The following NPSR1 variants were observed in gnomAD, a reference collection of about 807,000 sequenced individuals.
NPSR1 encodes the protein neuropeptide S receptor.
A neutral mutation model predicts 46.9 loss-of-function variants in NPSR1; 48 were observed. That is an observed-to-expected ratio of 1.02 (90% CI 0.81 to 1.30). The LOEUF is 1.30. NPSR1 is among the 50% of genes most tolerant of loss of function. The pLI is 0.00. For synonymous variants in NPSR1, 176 were observed against 168.1 expected, an observed-to-expected ratio of 1.05 and a Z score of -0.36; for missense variants, 450 against 449.5, an observed-to-expected ratio of 1.00 and a Z score of -0.01.
intron 2 of NPSR1, among the ~76,000 whole-genome samples, chr7:34,757,087 A>G (rs1785903401): frequency 6.6e-6 from 1 of 152,158 alleles, no homozygotes; most frequent in Admixed American, 6.6e-5. Context: ...GTTCGATGAG[A>G]GCATGCCTGC....
intron 3 of NPSR1, among the ~76,000 whole-genome samples, chr7:34,782,425 A>C (rs1015906374): frequency 6.6e-6 from 1 of 152,114 alleles, no homozygotes; most frequent in African/African-American, 2.4e-5. Flanking sequence ...TGAAGACCCT[A>C]TCAATTCTTG....
At chr7:34,769,872 G>A (rs551666162) in intron 2 of NPSR1, among the ~76,000 whole-genome samples, 3 of 152,182 alleles carry the variant, frequency 2.0e-5, no homozygotes, top group Admixed American at 1.3e-4. Context: ...GTAATACATG[G>A]AGGTGATTAA....
downstream of NPSR1, among the ~76,000 whole-genome samples, chr7:34,851,269 G>A (rs12672298): frequency 6.1e-4 from 88 of 143,230 alleles, no homozygotes; most frequent in East Asian, 0.016. Flanking sequence ...TCATTATGGT[G>A]TCAACTCAAA....
At chr7:34,776,532 T>G (rs143600344) in intron 2 of NPSR1, among the ~76,000 whole-genome samples, 289 of 152,332 alleles carry the variant, frequency 1.9e-3, no homozygotes, top group African/African-American at 6.9e-3. Flanking sequence ...TGCTCTTTTG[T>G]GGTTTCCATT....
chr7:34,856,637 T>A (rs1243200220), intron 8 of NPSR1, among the ~76,000 whole-genome samples: 1 of 151,574 alleles, frequency 6.6e-6, no homozygotes, highest in East Asian at 1.9e-4. Context: ...AAAACAATGG[T>A]CCAGGACAGA....
At chr7:34,788,954 T>G (rs1157306811) in intron 3 of NPSR1, among the ~76,000 whole-genome samples, 1 of 151,992 alleles carries the variant, frequency 6.6e-6, no homozygotes, top group Non-Finnish European at 1.5e-5. Context: ...TAAATTATTT[T>G]TTCAAAAACA....
chr7:34,739,979 G>A (rs977251286), intron 2 of NPSR1, among the ~76,000 whole-genome samples: 8 of 152,126 alleles, frequency 5.3e-5, no homozygotes, highest in Admixed American at 5.2e-4. Context: ...ATAAGTATAC[G>A]CCGTTTGTCT....
intron 4 of NPSR1, among the ~76,000 whole-genome samples, chr7:34,814,229 G>C (rs961680220): frequency 1.3e-5 from 2 of 152,226 alleles, no homozygotes; most frequent in African/African-American, 4.8e-5. Context: ...ATTTAGAAAC[G>C]AGCAGACAAG....
At chr7:34,815,118 T>C (rs1378920567) in intron 4 of NPSR1, among the ~76,000 whole-genome samples, 1 of 152,004 alleles carries the variant, frequency 6.6e-6, no homozygotes, top group African/African-American at 2.4e-5. Flanking sequence ...AACAAACTAC[T>C]CCTCCGAGCT....
intron 2 of NPSR1, among the ~76,000 whole-genome samples, chr7:34,772,244 C>T (rs867727331): frequency 6.6e-6 from 1 of 152,254 alleles, no homozygotes; most frequent in African/African-American, 2.4e-5. Flanking sequence ...AACCAAATGA[C>T]AGTGTGACTT....
intron 2 of NPSR1, among the ~76,000 whole-genome samples, chr7:34,738,564 C>T (rs1027177544): frequency 6.6e-6 from 1 of 151,762 alleles, no homozygotes; most frequent in Non-Finnish European, 1.5e-5. Context: ...TTGTTTTTGG[C>T]TTCTTTTTTT....
chr7:34,658,346 G>T lies in NPSR1; in HGVS notation c.-67G>T. On this transcript the variant is annotated 5_prime_UTR_variant, in exon 1 of 9. Transcript: ENST00000360581. ...GCTGCAGCTGCTGCCCAGCTCTCAGGAGGCAAGCTGGACTCCCTCACTCAG... is the reference window on the plus strand; with the variant it reads ...GCTGCAGCTGCTGCCCAGCTCTCAGTAGGCAAGCTGGACTCCCTCACTCAG... 6.3e-7 allele frequency: 1 copy of T among 1,574,838 alleles called. No homozygotes were observed. Among genetic ancestry groups the T allele is most frequent in the Non-Finnish European group, 8.7e-7 (1 of 1,153,442 alleles).
chr7:34,751,459 C>A, intron 2 of NPSR1: 1 of 1,142,286 alleles, frequency 8.8e-7, no homozygotes, highest in South Asian at 1.2e-5. Flanking sequence ...TTCCATCTTG[C>A]AGAAGCCGCG....
At chr7:34,840,241 G>C (rs749385136) in intron 6 of NPSR1, among the ~76,000 whole-genome samples, 8 of 152,130 alleles carry the variant, frequency 5.3e-5, no homozygotes, top group Non-Finnish European at 8.8e-5. Context: ...TGACAAGAAA[G>C]GGACAATAAG....
In NPSR1 at chr7:34,658,541, C is replaced by T; in HGVS notation, c.129C>T (p.Ser43=). 2 of 1,614,104 alleles carry T rather than the reference C, an allele frequency of 1.2e-6. No homozygotes were observed. The highest frequency in any genetic ancestry group is 1.7e-6 in the Non-Finnish European group (2 of 1,179,978). ...TEVVEGKEWG[S]FYYSFKTEQL... ...TGGTGGAAGGAAAGGAATGGGGTTCCTTCTACTACTCCTTTAAGGTAAGTT... is the reference window on the plus strand; with the variant it reads ...TGGTGGAAGGAAAGGAATGGGGTTCTTTCTACTACTCCTTTAAGGTAAGTT... Residue 43 remains serine (S), a synonymous_variant, in exon 1 of 9, where the codon TCC becomes TCT. Transcript: ENST00000360581.
intron 1 of NPSR1, among the ~76,000 whole-genome samples, chr7:34,679,379 A>G (rs963631028): frequency 6.6e-6 from 1 of 151,960 alleles, no homozygotes; most frequent in African/African-American, 2.4e-5. Context: ...ATATAGATAA[A>G]CAAAGATATA....
At chr7:34,683,447 A>C (rs1458124318) in intron 1 of NPSR1, among the ~76,000 whole-genome samples, 2 of 100,620 alleles carry the variant, frequency 2.0e-5, no homozygotes, top group African/African-American at 1.2e-4. Flanking sequence ...ACTCTGTCAC[A>C]AAAAAAAAAA....
At chr7:34,826,887 CAAAA>C (rs58951477) in intron 4 of NPSR1, among the ~76,000 whole-genome samples, 2 of 140,818 alleles carry the variant, frequency 1.4e-5, no homozygotes, top group Admixed American at 7.0e-5. Context: ...ATGTTCCTAC[CAAAA>C]AAAAAAAAAA....
At chr7:34,682,090 A>G (rs1792669074) in intron 1 of NPSR1, among the ~76,000 whole-genome samples, 1 of 152,244 alleles carries the variant, frequency 6.6e-6, no homozygotes, top group Admixed American at 6.5e-5. Flanking sequence ...TGCCATGTGC[A>G]GCTGCTCATA....
Sources: allele counts gnomAD v4.1 joint callset (sites outside exome capture counted in the v4.1 genomes callset), GRCh38; gene constraint gnomAD v4.1.1; transcripts MANE v1.5; gene names NCBI Gene and HGNC (gene_info 2026-07-23, HGNC 2026-07-21).